The following RGS6 variants were observed in gnomAD, a reference collection of about 807,000 sequenced individuals.
The protein encoded by RGS6 is regulator of G protein signaling 6.
In RGS6, 30 loss-of-function variants were observed where a neutral mutation model predicts 78.5. That is an observed-to-expected ratio of 0.38 (90% CI 0.29 to 0.52). The LOEUF (loss-of-function observed/expected upper bound fraction) is 0.52. RGS6 is among the 20% of genes least tolerant of loss of function. The probability of loss-of-function intolerance (pLI) is 0.85; values close to 1 mark genes in which losing one functional copy is unlikely to be tolerated. For missense variants in RGS6, 495 were observed against 609.7 expected (o/e 0.81, Z 1.98); for synonymous variants, 206 against 206.0 (o/e 1.00, Z 0.00).
Position 72,232,181 on chromosome 14 carries a change from C to G in RGS6, c.85-119914C>G, listed in dbSNP as rs1600043735. 3.9e-5 allele frequency among the ~76,000 whole-genome samples: 6 copies of G among 152,248 alleles called. No individual in the cohort carries two copies. In the South Asian group the frequency reaches 1.2e-3, roughly 32 times the overall value. On this transcript the variant is annotated intron_variant, in intron 2 of 17. Coordinates refer to ENST00000553525, the MANE Select transcript of RGS6 (RefSeq NM_001204424.2). ...GCTGAAGCAGCCTGCCAGCGAAGAC[C>G]AAGATGGCCCAGGACCCTAGAGCAG...
chr14:71,954,742 G>A (rs1432043134), intron 1 of RGS6, among the ~76,000 whole-genome samples: 1 of 152,072 alleles, frequency 6.6e-6, no homozygotes, highest in Non-Finnish European at 1.5e-5. Context: ...CAGTGTTTTT[G>A]ATTTTTAGCA....
intron 2 of RGS6, among the ~76,000 whole-genome samples, chr14:72,292,923 A>T (rs1047357461): frequency 3.3e-5 from 5 of 152,342 alleles, no homozygotes; most frequent in African/African-American, 9.6e-5. Context: ...TTCTGAACGC[A>T]TCACTTTTCC....
chr14:72,309,211 C>T (rs1270586394), intron 2 of RGS6, among the ~76,000 whole-genome samples: 1 of 152,200 alleles, frequency 6.6e-6, no homozygotes, highest in African/African-American at 2.4e-5. Flanking sequence ...TGCACCTCCC[C>T]AGCACCCTCA....
At chr14:72,196,358 C>T (rs780033628) in intron 2 of RGS6, among the ~76,000 whole-genome samples, 1 of 152,158 alleles carries the variant, frequency 6.6e-6, no homozygotes, top group Non-Finnish European at 1.5e-5. Flanking sequence ...TTCCCCTCCT[C>T]ACTGATTAGT....
intron 14 of RGS6, among the ~76,000 whole-genome samples, chr14:72,514,342 A>G (rs2096914612): frequency 1.3e-5 from 2 of 152,216 alleles, no homozygotes; most frequent in Admixed American, 6.5e-5. Context: ...TTATGAAAAG[A>G]TATGTAAACT....
intron 3 of RGS6, among the ~76,000 whole-genome samples, chr14:72,374,021 T>C (rs2084079319): frequency 6.6e-6 from 1 of 152,202 alleles, no homozygotes; most frequent in African/African-American, 2.4e-5. Flanking sequence ...TTGATATTTT[T>C]AAAAAGGCTA....
At chr14:72,413,819 C>T (rs1411458677) in intron 3 of RGS6, among the ~76,000 whole-genome samples, 5 of 152,292 alleles carry the variant, frequency 3.3e-5, no homozygotes, top group Non-Finnish European at 7.4e-5. Context: ...ATTTCTCCTT[C>T]ACTTATGAAG....
intron 16 of RGS6, among the ~76,000 whole-genome samples, chr14:72,539,490 G>A (rs1598877129): frequency 6.6e-6 from 1 of 152,200 alleles, no homozygotes; most frequent in East Asian, 1.9e-4. Context: ...CTCTGGGCAG[G>A]GGAATCTCAA....
chr14:71,950,065 G>T (rs894426068), intron 1 of RGS6, among the ~76,000 whole-genome samples: 6 of 152,036 alleles, frequency 3.9e-5, no homozygotes, highest in African/African-American at 1.4e-4. Flanking sequence ...TTAATTACGT[G>T]AGCTTTATAG....
chr14:71,882,493 A>C, the RGS6 span, among the ~76,000 whole-genome samples: 14 of 152,326 alleles, frequency 9.2e-5, no homozygotes, highest in African/African-American at 3.4e-4. Flanking sequence ...AAGAAAAATT[A>C]TGCAGAACTT....
intron 2 of RGS6, among the ~76,000 whole-genome samples, chr14:71,982,107 C>G (rs775522919): frequency 2.0e-5 from 3 of 152,214 alleles, no homozygotes; most frequent in Non-Finnish European, 4.4e-5. Context: ...TGACCCCTTG[C>G]GCTTCCCGAG....
chr14:72,480,630 G>A (rs2096354686), intron 12 of RGS6, among the ~76,000 whole-genome samples: 1 of 152,152 alleles, frequency 6.6e-6, no homozygotes, highest in African/African-American at 2.4e-5. Context: ...GGAGACGCGT[G>A]TTAGCTGGAG....
intron 2 of RGS6, among the ~76,000 whole-genome samples, chr14:72,283,430 AG>A (rs2061926313): frequency 6.6e-6 from 1 of 152,194 alleles, no homozygotes; most frequent in East Asian, 1.9e-4. Context: ...GGAGGGACCC[AG>A]TGGGAGATAA....
At chr14:72,396,572 G>C (rs2091328739) in intron 3 of RGS6, among the ~76,000 whole-genome samples, 1 of 152,024 alleles carries the variant, frequency 6.6e-6, no homozygotes, top group Admixed American at 6.6e-5. Context: ...GTCAATTTTG[G>C]CTTTTGTTGC....
At chr14:72,115,347 A>G (rs539425246) in intron 2 of RGS6, among the ~76,000 whole-genome samples, 1 of 152,302 alleles carries the variant, frequency 6.6e-6, no homozygotes, top group Non-Finnish European at 1.5e-5. Context: ...GCAGTTGGGA[A>G]GGGAAAATGG....
intron 2 of RGS6, among the ~76,000 whole-genome samples, chr14:71,979,643 T>C (rs200541031): frequency 0.44 from 67,217 of 151,548 alleles, 15,331 homozygotes; most frequent in East Asian, 0.55. Flanking sequence ...TTGTTATAAT[T>C]TCTGTTCTTT....
At chr14:72,422,031 G>A (rs2094208747) in intron 3 of RGS6, among the ~76,000 whole-genome samples, 1 of 152,294 alleles carries the variant, frequency 6.6e-6, no homozygotes, top group East Asian at 1.9e-4. Flanking sequence ...TTCCCATGCT[G>A]TTCTTGTGAT....
intron 3 of RGS6, among the ~76,000 whole-genome samples, chr14:72,415,021 G>T (rs1433411573): frequency 6.6e-6 from 1 of 152,178 alleles, no homozygotes; most frequent in African/African-American, 2.4e-5. Flanking sequence ...TGAGGAGGCA[G>T]TCTGCCCAGA....
chr14:71,941,956 T>C (rs1247546422), intron 1 of RGS6, among the ~76,000 whole-genome samples: 2 of 152,216 alleles, frequency 1.3e-5, no homozygotes, highest in Non-Finnish European at 2.9e-5. Context: ...CCAAAAAGCC[T>C]GTTTGACTTT....
Sources: gnomAD v4.1 joint callset for allele counts (sites outside exome capture counted in the v4.1 genomes callset) on GRCh38, gnomAD v4.1.1 for gene constraint, MANE v1.5 for transcripts, NCBI Gene and HGNC (gene_info 2026-07-23, HGNC 2026-07-21) for gene names.